The following SHC4 variants were observed in gnomAD, a reference collection of about 807,000 sequenced individuals.
SHC4 encodes the protein SHC adaptor protein 4.
In SHC4, 41 loss-of-function variants were observed where a neutral mutation model predicts 69.4. The ratio of observed to expected loss-of-function variants is 0.59; its 90% CI spans 0.46 to 0.77. SHC4 has a LOEUF of 0.77. SHC4 is among the 30% of genes least tolerant of loss of function. The pLI, the probability that SHC4 is intolerant of heterozygous loss-of-function variation, is 0.00. For synonymous variants in SHC4, 318 were observed against 299.3 expected, an observed-to-expected ratio of 1.06 and a Z score of -0.64; for missense variants, 777 against 783.8, an observed-to-expected ratio of 0.99 and a Z score of 0.10.
At chr15:48,953,646 G>A (rs1185029560) in intron 1 of SHC4, among the ~76,000 whole-genome samples, 2 of 152,132 alleles carry the variant, frequency 1.3e-5, no homozygotes, top group African/African-American at 2.4e-5. Context: ...TTATGTTAAT[G>A]AGAATGTGAT....
intron 1 of SHC4, among the ~76,000 whole-genome samples, chr15:48,940,164 T>A (rs1326576327): frequency 6.6e-6 from 1 of 152,242 alleles, no homozygotes; most frequent in Non-Finnish European, 1.5e-5. Flanking sequence ...GCCAAGGCAA[T>A]GCCCTTGCAG....
intron 9 of SHC4, among the ~76,000 whole-genome samples, chr15:48,844,129 T>C (rs991821372): frequency 4.6e-5 from 7 of 152,224 alleles, no homozygotes; most frequent in African/African-American, 7.2e-5. Flanking sequence ...CTCTCTATGC[T>C]CAAAGTTTGC....
At chr15:48,899,767 G>A (rs1318787079) in intron 2 of SHC4, among the ~76,000 whole-genome samples, 1 of 152,142 alleles carries the variant, frequency 6.6e-6, no homozygotes, top group East Asian at 1.9e-4. Context: ...TCCACAGAGA[G>A]TACACCATTT....
At chr15:48,849,730 A>G (rs908001294) in intron 9 of SHC4, among the ~76,000 whole-genome samples, 2 of 152,246 alleles carry the variant, frequency 1.3e-5, no homozygotes, top group African/African-American at 4.8e-5. Flanking sequence ...GATGACGGAA[A>G]GGAGAGAGGA....
intron 2 of SHC4, among the ~76,000 whole-genome samples, chr15:48,891,400 T>C (rs1029480830): frequency 6.6e-6 from 1 of 152,220 alleles, no homozygotes; most frequent in African/African-American, 2.4e-5. Context: ...CTCCTTTGCT[T>C]ACTTTTCTGC....
intron 1 of SHC4, among the ~76,000 whole-genome samples, chr15:48,954,130 C>T (rs535015061): frequency 6.6e-6 from 1 of 152,332 alleles, no homozygotes; most frequent in South Asian, 2.1e-4. Flanking sequence ...TGTTGGACCT[C>T]ACAATTCTGT....
At chr15:48,960,745 T>C (rs1182171811) in intron 1 of SHC4, among the ~76,000 whole-genome samples, 3 of 152,226 alleles carry the variant, frequency 2.0e-5, no homozygotes, top group Admixed American at 1.3e-4. Context: ...TCTACCTACA[T>C]ATTAGCATTA....
chr15:48,842,813 C>T (rs1034209414), intron 10 of SHC4, among the ~76,000 whole-genome samples: 1 of 152,052 alleles, frequency 6.6e-6, no homozygotes, highest in African/African-American at 2.4e-5. Flanking sequence ...TGCCTGTAGT[C>T]CCAGCTGCTC....
intron 4 of SHC4, chr15:48,877,827 A>C: frequency 5.3e-6 from 1 of 188,894 alleles, no homozygotes; most frequent in Admixed American, 5.5e-5. Flanking sequence ...GAAGGGGGGG[A>C]AGGAGCATTA....
chr15:48,962,059 A>G (rs2141044834), intron 1 of SHC4, among the ~76,000 whole-genome samples: 1 of 152,358 alleles, frequency 6.6e-6, no homozygotes, highest in South Asian at 2.1e-4. Context: ...ATAACCTACC[A>G]GGTCTCAATC....
intron 2 of SHC4, among the ~76,000 whole-genome samples, chr15:48,906,477 C>G (rs559516015): frequency 3.3e-5 from 5 of 152,030 alleles, no homozygotes; most frequent in Non-Finnish European, 5.9e-5. Context: ...CTTCCCTTCT[C>G]CTACTCCCCC....
rs1336736764 is a variant in SHC4, at chr15:48,923,659, T to A, written c.656+1220A>T. Among the ~76,000 whole-genome samples, 3 of 124,028 alleles carry A rather than the reference T, an allele frequency of 2.4e-5. No homozygotes were observed. In the Admixed American group the frequency reaches 2.5e-4, roughly 10 times the overall value. 81.4% of individuals were successfully genotyped at this position (124,028 alleles called of 152,430 possible). ...TCTTTTTTTTTTTTTTTTTTTTTTA[T>A]GAGTCAGGGTCTTGCTGTCACCCAC... On this transcript the variant is annotated intron_variant, in intron 2 of 11. Transcript: ENST00000332408.
chr15:48,923,621 C>T lies in SHC4; in HGVS notation c.656+1258G>A, dbSNP rs1469451758. On this transcript the variant is annotated intron_variant, in intron 2 of 11. Transcript: ENST00000332408. ...TAGAGTTTTTTCAACTATAGCAGCA[C>T]AGGACTACTCAGTCTTTTTTTTTTT... Among the ~76,000 whole-genome samples the T allele has an allele frequency of 2.8e-5, 4 of 142,584 alleles. 1 individual carries two copies. Among genetic ancestry groups the T allele is most frequent in the African/African-American group, 1.0e-4 (4 of 38,322 alleles). The allele number at this position is 142,584 out of a possible 152,430, so 93.5% of individuals were successfully genotyped here. A position where few individuals can be genotyped will look rare whatever the true frequency, so the allele number is the denominator to read the frequency against.
intron 6 of SHC4, among the ~76,000 whole-genome samples, chr15:48,864,007 C>T (rs1899504057): frequency 6.6e-6 from 1 of 152,164 alleles, no homozygotes; most frequent in Non-Finnish European, 1.5e-5. Context: ...ACTGAAAATG[C>T]CTGGCACATA....
intron 8 of SHC4, among the ~76,000 whole-genome samples, chr15:48,852,915 A>AAAAT (rs35921296): frequency 0.57 from 81,281 of 142,870 alleles, 24,996 homozygotes; most frequent in Non-Finnish European, 0.7. Flanking sequence ...AAAATATATA[A>AAAAT]AAATAAATAA....
chr15:48,878,839 T>C, intron 4 of SHC4: 2 of 1,232,350 alleles, frequency 1.6e-6, no homozygotes, highest in Non-Finnish European at 2.2e-6. Flanking sequence ...ATTGAAAAAC[T>C]TGACCTTCAA....
chr15:48,955,317 T>G (rs1431705896), intron 1 of SHC4, among the ~76,000 whole-genome samples: 1 of 152,046 alleles, frequency 6.6e-6, no homozygotes, highest in Non-Finnish European at 1.5e-5. Context: ...TGTAAGTGAG[T>G]GAAGCTGGGT....
At chr15:48,828,556 A>C (rs1441970626) in intron 11 of SHC4, among the ~76,000 whole-genome samples, 2 of 152,116 alleles carry the variant, frequency 1.3e-5, no homozygotes, top group Non-Finnish European at 2.9e-5. Context: ...TTTTATTTTT[A>C]ATTTTTCGAG....
intron 1 of SHC4, among the ~76,000 whole-genome samples, chr15:48,959,537 A>C (rs1875846431): frequency 6.6e-6 from 1 of 152,228 alleles, no homozygotes; most frequent in Non-Finnish European, 1.5e-5. Flanking sequence ...ATGGATAAGA[A>C]GGTAGAATAT....
Sources: allele counts gnomAD v4.1 joint callset (sites outside exome capture counted in the v4.1 genomes callset), GRCh38; gene constraint gnomAD v4.1.1; transcripts MANE v1.5; gene names NCBI Gene and HGNC (gene_info 2026-07-23, HGNC 2026-07-21).